Variants in RPTOR observed in about 807,000 individuals in gnomAD.
RPTOR encodes the protein regulatory associated protein of MTOR complex 1.
In RPTOR, 21 loss-of-function variants were observed where a neutral mutation model predicts 169.9. That is an observed-to-expected ratio of 0.12 (90% CI 0.09 to 0.18). The LOEUF is 0.18. Among genes scored for constraint, RPTOR ranks in the 10% least tolerant of loss-of-function variants. The pLI is 1.00. For synonymous variants in RPTOR, 732 were observed against 753.2 expected (o/e 0.97, Z 0.46); for missense variants, 1,133 against 1,855.9 (o/e 0.61, Z 7.16).
chr17:80,858,013 C>T (rs2143754366), intron 13 of RPTOR, 113 bp downstream of exon 13: 2 of 814,334 alleles, frequency 2.5e-6, no homozygotes, highest in Non-Finnish European at 2.0e-6. Flanking sequence ...CCTCTCCAGG[C>T]ACCGCCGTTC....
At chr17:80,919,630 G>A (rs535265080) in intron 21 of RPTOR, among the ~76,000 whole-genome samples, 3 of 152,158 alleles carry the variant, frequency 2.0e-5, no homozygotes, top group African/African-American at 4.8e-5. Flanking sequence ...TCCAGTCCCC[G>A]CTTCAGCAGC....
chr17:80,746,812 T>A lies in RPTOR; in HGVS notation c.655-7198T>A, dbSNP rs745348295. 1.3e-5 allele frequency among the ~76,000 whole-genome samples: 2 copies of A among 151,816 alleles called. No individual in the cohort carries two copies. The highest frequency in any genetic ancestry group is 4.8e-5 in the African/African-American group (2 of 41,302). On this transcript the variant is annotated intron_variant, in intron 5 of 33. Transcript: ENST00000306801. The surrounding 1 kb of genome is among the most constrained non-coding windows in gnomAD (Gnocchi z 4.5). ...GTAGATGCAAAACCAAAACAGTGTA[T>A]AGGAAATAACTCATCTGTTGAAATA...
chr17:80,552,221 T>C (rs1213979605), intron 1 of RPTOR, among the ~76,000 whole-genome samples: 1 of 152,230 alleles, frequency 6.6e-6, no homozygotes. Context: ...GTGGTCTCCA[T>C]TGGCTTCCTC....
At chr17:80,798,651 A>G (rs1163862559) in intron 7 of RPTOR, among the ~76,000 whole-genome samples, 3 of 152,120 alleles carry the variant, frequency 2.0e-5, no homozygotes, top group African/African-American at 7.2e-5. Flanking sequence ...GCGACACCCT[A>G]TGATGCGCAT....
At position 80,687,242 on chromosome 17, in the gene RPTOR, T is replaced by C. The variant is rs557200177; in HGVS notation, c.349-20599T>C. Reference sequence around the variant, plus strand: ...TGACCCTCCCAGCCTGGTTCACGTTTGCTCTTCGTTACCCTCTTCCTGTTT... The same window carrying C: ...TGACCCTCCCAGCCTGGTTCACGTTCGCTCTTCGTTACCCTCTTCCTGTTT... On this transcript the variant is annotated intron_variant, in intron 3 of 33. Transcript: ENST00000306801. 2.0e-5 allele frequency among the ~76,000 whole-genome samples: 3 copies of C among 152,344 alleles called. No homozygotes were observed. In the South Asian group the frequency reaches 6.2e-4, roughly 32 times the overall value.
At chr17:80,621,550 G>A (rs1342468607) in intron 1 of RPTOR, among the ~76,000 whole-genome samples, 1 of 152,192 alleles carries the variant, frequency 6.6e-6, no homozygotes, top group Non-Finnish European at 1.5e-5. Context: ...CACCCAGCGA[G>A]CTTGCCCTAG....
chr17:80,754,521 A>G lies in RPTOR; in HGVS notation c.830+336A>G, dbSNP rs537372764. Among the ~76,000 whole-genome samples, 3 of 152,332 alleles carry G rather than the reference A, an allele frequency of 2.0e-5. No homozygotes were observed. Among genetic ancestry groups the G allele is most frequent in the East Asian group, 1.9e-4 (1 of 5,190 alleles). On this transcript the variant is annotated intron_variant, in intron 6 of 33. Coordinates refer to ENST00000306801, the MANE Select transcript of RPTOR (RefSeq NM_020761.3). This position sits in a 1 kb window ranked among gnomAD's most constrained non-coding sequence, Gnocchi z 4.2. ...ACTGGACTTTCTTTCAGGGGAAGAAAAGGCTGTTATGAAAAAGGAAGTCAT... is the reference window on the plus strand; with the variant it reads ...ACTGGACTTTCTTTCAGGGGAAGAAGAGGCTGTTATGAAAAAGGAAGTCAT...
At chr17:80,780,192 T>C (rs2066927026) in intron 6 of RPTOR, among the ~76,000 whole-genome samples, 1 of 152,150 alleles carries the variant, frequency 6.6e-6, no homozygotes, top group African/African-American at 2.4e-5. Flanking sequence ...ACGACTTAAT[T>C]GATAAATGTC....
intron 13 of RPTOR, among the ~76,000 whole-genome samples, chr17:80,874,204 G>A (rs2068081163): frequency 7.1e-6 from 1 of 140,522 alleles, no homozygotes; most frequent in African/African-American, 2.7e-5. Flanking sequence ...TAACTAAAGG[G>A]CTTTTTTTTT....
intron 3 of RPTOR, among the ~76,000 whole-genome samples, chr17:80,653,999 C>T (rs1022761580): frequency 1.1e-4 from 17 of 149,892 alleles, no homozygotes; most frequent in Admixed American, 3.3e-4. Flanking sequence ...CCAGGCTGTA[C>T]GGCCAGTGTT....
At chr17:80,712,068 AT>A (rs34517257) in intron 4 of RPTOR, among the ~76,000 whole-genome samples, 30 of 151,876 alleles carry the variant, frequency 2.0e-4, no homozygotes, top group Admixed American at 3.9e-4. Context: ...AATAGACATC[AT>A]TTTTTTTAAG....
rs991435164 is a variant in RPTOR at position 80,896,990 on chromosome 17, G to T, written c.2401+3125G>T. 2.0e-5 allele frequency among the ~76,000 whole-genome samples: 3 copies of T among 152,212 alleles called. No homozygotes were observed. The South Asian group carries it at 6.2e-4, about 32-fold the overall frequency. On this transcript the variant is annotated intron_variant, in intron 20 of 33. Coordinates refer to ENST00000306801, the MANE Select transcript of RPTOR (RefSeq NM_020761.3). ...AAAGAATGCCAGTGGGCTGGGCACG[G>T]TCCCTCACGCCTGTAATCCCAGCAC...
At chr17:80,748,733 G>A (rs1262484118) in intron 5 of RPTOR, among the ~76,000 whole-genome samples, 8 of 73,660 alleles carry the variant, frequency 1.1e-4, no homozygotes, top group African/African-American at 5.1e-4. Flanking sequence ...GGGCTGCGGT[G>A]TGTGTTTGGA....
intron 28 of RPTOR, among the ~76,000 whole-genome samples, chr17:80,955,610 TAAGAA>T (rs1290375986): frequency 2.6e-5 from 4 of 152,118 alleles, no homozygotes; most frequent in Non-Finnish European, 5.9e-5. Context: ...AGTGGCAGAA[TAAGAA>T]AAGATATTTG....
Position 80,746,162 on chromosome 17 carries a change from C to CA in RPTOR, c.655-7832dup, listed in dbSNP as rs34830902. ...GGGTGACAAGAGCAAACCTCCATCT[C>CA]AAAAAAAAAAAAAAAAGTGCAGTGC... On this transcript the variant is annotated intron_variant, in intron 5 of 33. Coordinates refer to ENST00000306801, the MANE Select transcript of RPTOR (RefSeq NM_020761.3). This position sits in a 1 kb window ranked among gnomAD's most constrained non-coding sequence, Gnocchi z 4.5. 0.28 allele frequency among the ~76,000 whole-genome samples: 25,217 copies of CA among 90,334 alleles called. 7,960 individuals are homozygous for CA. The highest frequency in any genetic ancestry group is 0.33 in the Middle Eastern group (60 of 184). 59.3% of individuals were successfully genotyped at this position (90,334 alleles called of 152,430 possible).
At chr17:80,654,436 A>G (rs910428114) in intron 3 of RPTOR, among the ~76,000 whole-genome samples, 3 of 152,248 alleles carry the variant, frequency 2.0e-5, no homozygotes, top group African/African-American at 7.2e-5. Flanking sequence ...AGAGAGGCCG[A>G]TCAGCTCCGC....
intron 10 of RPTOR, among the ~76,000 whole-genome samples, chr17:80,839,310 A>G (rs1032436176): frequency 4.6e-5 from 7 of 152,020 alleles, no homozygotes; most frequent in African/African-American, 1.7e-4. Flanking sequence ...CCCTCCCATT[A>G]TTGCTTGATT....
chr17:80,827,003 G>T (rs1293944557), intron 9 of RPTOR, among the ~76,000 whole-genome samples: 1 of 152,220 alleles, frequency 6.6e-6, no homozygotes, highest in African/African-American at 2.4e-5. Flanking sequence ...TTAGTCAGCC[G>T]CTCGGCCCGC....
intron 6 of RPTOR, among the ~76,000 whole-genome samples, chr17:80,790,749 T>C (rs1253398311): frequency 6.6e-6 from 1 of 152,178 alleles, no homozygotes; most frequent in Non-Finnish European, 1.5e-5. Flanking sequence ...TTTTAAGGGG[T>C]GTTATTTGTT....
Sources: allele counts gnomAD v4.1 joint callset (sites outside exome capture counted in the v4.1 genomes callset), GRCh38; gene constraint gnomAD v4.1.1; non-coding constraint Gnocchi (gnomAD v3.1); transcripts MANE v1.5; gene names NCBI Gene and HGNC (gene_info 2026-07-23, HGNC 2026-07-21).